LINGO2: variants seen among roughly 807,000 people sequenced by gnomAD.
LINGO2 encodes the protein leucine rich repeat and Ig domain containing 2.
LINGO2 carries 14 observed loss-of-function variants against 30.6 expected under a neutral mutation model. The ratio of observed to expected loss-of-function variants is 0.46; its 90% CI spans 0.30 to 0.72. LINGO2 has a LOEUF of 0.72. LINGO2 is among the 30% of genes least tolerant of loss of function. The probability of loss-of-function intolerance (pLI) is 0.07; values close to 1 mark genes in which losing one functional copy is unlikely to be tolerated. For missense variants in LINGO2, 729 were observed against 751.7 expected, an observed-to-expected ratio of 0.97 and a Z score of 0.35; for synonymous variants, 317 against 288.5, an observed-to-expected ratio of 1.10 and a Z score of -1.00.
intron 4 of LINGO2, among the ~76,000 whole-genome samples, chr9:28,221,934 C>T (rs1225582251): frequency 6.6e-6 from 1 of 152,110 alleles, no homozygotes; most frequent in Non-Finnish European, 1.5e-5. Context: ...TCTGAATATT[C>T]CAGTCTAAAT....
At chr9:28,944,243 T>C in the LINGO2 span, among the ~76,000 whole-genome samples, 1 of 152,182 alleles carries the variant, frequency 6.6e-6, no homozygotes, top group South Asian at 2.1e-4. Context: ...ATTCAGACCC[T>C]TGAAGGATAT....
At chr9:28,483,749 C>T (rs541618773) in intron 1 of LINGO2, among the ~76,000 whole-genome samples, 1 of 151,998 alleles carries the variant, frequency 6.6e-6, no homozygotes, top group East Asian at 1.9e-4. Context: ...ACTTATGGCA[C>T]ATTTTACAGT....
intron 4 of LINGO2, among the ~76,000 whole-genome samples, chr9:28,075,524 A>C (rs1825598104): frequency 6.6e-6 from 1 of 151,956 alleles, no homozygotes; most frequent in Non-Finnish European, 1.5e-5. Flanking sequence ...TAGACACCAG[A>C]TATGTATGCA....
chr9:28,556,775 C>G (rs1336762667), intron 1 of LINGO2, among the ~76,000 whole-genome samples: 1 of 151,962 alleles, frequency 6.6e-6, no homozygotes, highest in Non-Finnish European at 1.5e-5. Flanking sequence ...ACCAAAACAG[C>G]ATGGTACTGG....
rs1324385208 is a variant in LINGO2, at chr9:28,129,801, ATTG to A, written c.-86-117399_-86-117397del. On this transcript the variant is annotated intron_variant, in intron 4 of 5. Transcript: ENST00000379992. The surrounding 1 kb of genome is among the most constrained non-coding windows in gnomAD (Gnocchi z 4.0). The stretch of plus-strand genomic sequence containing the variant: ...CTAGTCATAAGCTTTTATTTTTTAT[ATTG>A]TTTATTTTTGGTTTAAGAAGGTGAA... 2.0e-5 allele frequency: 3 copies of A among 152,170 alleles called. No individual in the cohort carries two copies. Among genetic ancestry groups the A allele is most frequent in the Non-Finnish European group, 4.4e-5 (3 of 68,024 alleles). 9.4% of individuals were successfully genotyped at this position (152,170 alleles called of 1,614,324 possible). A position where few individuals can be genotyped will look rare whatever the true frequency, so the allele number is the denominator to read the frequency against.
chr9:28,059,383 T>G (rs1825070215), intron 4 of LINGO2, among the ~76,000 whole-genome samples: 1 of 151,968 alleles, frequency 6.6e-6, no homozygotes, highest in African/African-American at 2.4e-5. Context: ...CCCAGCTTTG[T>G]TTCTCGAACT....
chr9:28,713,545 A>G, the LINGO2 span, among the ~76,000 whole-genome samples: 6 of 152,036 alleles, frequency 3.9e-5, no homozygotes, highest in African/African-American at 1.4e-4. Flanking sequence ...TGGTTGTCCA[A>G]TTGGTATTTC....
the LINGO2 span, among the ~76,000 whole-genome samples, chr9:28,751,690 T>C: frequency 6.6e-6 from 1 of 152,064 alleles, no homozygotes; most frequent in East Asian, 1.9e-4. Context: ...TTTTATTGTA[T>C]ACTCATTTGT....
At chr9:29,000,819 G>C in the LINGO2 span, among the ~76,000 whole-genome samples, 1 of 151,876 alleles carries the variant, frequency 6.6e-6, no homozygotes, top group South Asian at 2.1e-4. Context: ...CAAAGACTCT[G>C]TATTAAGGTT....
At chr9:28,380,082 TAGATGCCACAC>T (rs1259332839) in intron 2 of LINGO2, among the ~76,000 whole-genome samples, 2 of 152,092 alleles carry the variant, frequency 1.3e-5, no homozygotes, top group East Asian at 3.9e-4. Context: ...CAGAGTTAAC[TAGATGCCACAC>T]AGATGCCACA....
chr9:28,723,809 C>A, the LINGO2 span, among the ~76,000 whole-genome samples: 1 of 151,820 alleles, frequency 6.6e-6, no homozygotes, highest in Non-Finnish European at 1.5e-5. Context: ...TGCAATTGGT[C>A]ATAAAAAGAA....
intron 1 of LINGO2, among the ~76,000 whole-genome samples, chr9:28,665,356 C>T (rs566271682): frequency 6.6e-6 from 1 of 152,118 alleles, no homozygotes; most frequent in South Asian, 2.1e-4. Flanking sequence ...GTTTACATGC[C>T]AAATATGTGC....
At chr9:28,422,160 T>C (rs1341230558) in intron 2 of LINGO2, among the ~76,000 whole-genome samples, 2 of 151,892 alleles carry the variant, frequency 1.3e-5, no homozygotes, top group Admixed American at 6.6e-5. Context: ...AAATAAAAAA[T>C]GACAAATGGA....
rs79613853 is a variant in LINGO2 at position 27,994,497 on chromosome 9, C to T, written c.-36+17858G>A. 9.5e-3 allele frequency among the ~76,000 whole-genome samples: 1,445 copies of T among 152,138 alleles called. 103 individuals carry two copies. In the East Asian group the frequency reaches 0.17, roughly 18 times the overall value. On this transcript the variant is annotated intron_variant, in intron 5 of 5. Coordinates refer to ENST00000379992, the Ensembl canonical transcript of LINGO2. ...GAAAAGGGAGGTCTGGGAAATCCCA[C>T]GCCCCAGGGACCACTGGAACCAGCA...
intron 4 of LINGO2, among the ~76,000 whole-genome samples, chr9:28,179,278 C>CTA (rs1041568695): frequency 6.9e-6 from 1 of 145,178 alleles, no homozygotes; most frequent in Non-Finnish European, 1.5e-5. Context: ...TATAAAAATA[C>CTA]TATATATATA....
chr9:29,212,461 A>C, the LINGO2 span, among the ~76,000 whole-genome samples: 1 of 151,868 alleles, frequency 6.6e-6, no homozygotes, highest in Non-Finnish European at 1.5e-5. Context: ...CGCGCCCCCG[A>C]GTCCGCAGGC....
At chr9:28,813,126 C>T in the LINGO2 span, among the ~76,000 whole-genome samples, 1 of 150,074 alleles carries the variant, frequency 6.7e-6, no homozygotes, top group Non-Finnish European at 1.5e-5. Context: ...CTAAAGAGCA[C>T]TCCAGATTTT....
chr9:28,374,403 G>T (rs1043908247), intron 2 of LINGO2, among the ~76,000 whole-genome samples: 1 of 151,772 alleles, frequency 6.6e-6, no homozygotes, highest in Non-Finnish European at 1.5e-5. Context: ...TTTTAAAAAT[G>T]TAACAACATA....
At chr9:29,021,895 A>C in the LINGO2 span, among the ~76,000 whole-genome samples, 1 of 152,348 alleles carries the variant, frequency 6.6e-6, no homozygotes, top group South Asian at 2.1e-4. Flanking sequence ...AGTTTTAAAT[A>C]GATTAACATA....
Sources: allele counts gnomAD v4.1 joint callset (sites outside exome capture counted in the v4.1 genomes callset), GRCh38; gene constraint gnomAD v4.1.1; non-coding constraint Gnocchi (gnomAD v3.1); transcripts MANE v1.5; gene names NCBI Gene and HGNC (gene_info 2026-07-23, HGNC 2026-07-21).